SEM1: variants seen among roughly 807,000 people sequenced by gnomAD.
SEM1 encodes SEM1 26S proteasome subunit, also known as 26S proteasome complex subunit SEM1.
A neutral mutation model predicts 12.7 loss-of-function variants in SEM1; 3 were observed. The ratio of observed to expected loss-of-function variants is 0.24; its 90% confidence interval spans 0.11 to 0.61. The LOEUF (loss-of-function observed/expected upper bound fraction) is 0.61, where lower values mean the gene tolerates loss of function less well. Ranked by LOEUF, SEM1 falls within the 20% of genes least tolerant of loss-of-function variation. The pLI is 0.88. For synonymous variants in SEM1, 30 were observed against 27.8 expected (o/e 1.08, Z -0.25); for missense variants, 59 against 81.3 (o/e 0.73, Z 1.06).
chr7:96,553,238 C>T (rs1805354433), intron 2 of SEM1, among the ~76,000 whole-genome samples: 1 of 150,210 alleles, frequency 6.7e-6, no homozygotes, highest in Non-Finnish European at 1.5e-5. Context: ...GTTGCCATTG[C>T]TTTTGGTGTT....
intron 2 of SEM1, among the ~76,000 whole-genome samples, chr7:96,637,913 C>A (rs1438320908): frequency 2.0e-5 from 3 of 152,008 alleles, no homozygotes; most frequent in Non-Finnish European, 2.9e-5. Context: ...CCTTCCTCTT[C>A]TCTACCCACC....
chr7:96,551,938 T>C (rs1805291538), intron 2 of SEM1, among the ~76,000 whole-genome samples: 2 of 152,160 alleles, frequency 1.3e-5, no homozygotes, highest in African/African-American at 4.8e-5. Context: ...TGATAGACTA[T>C]ATTTCTGTTG....
At chr7:96,697,845 TG>T (rs1790145636) in intron 1 of SEM1, among the ~76,000 whole-genome samples, 1 of 152,164 alleles carries the variant, frequency 6.6e-6, no homozygotes, top group Non-Finnish European at 1.5e-5. Context: ...GTGTTCCTGC[TG>T]AGGGTGTATG....
intron 2 of SEM1, among the ~76,000 whole-genome samples, chr7:96,674,505 A>C (rs981584672): frequency 8.6e-5 from 13 of 151,856 alleles, no homozygotes; most frequent in Admixed American, 7.9e-4. Context: ...AAAACAAACA[A>C]ACAAAAAAAT....
exon 3 of SEM1, chr7:96,673,550 G>A: frequency 1.7e-6 from 1 of 574,034 alleles, no homozygotes; most frequent in East Asian, 2.8e-5. Flanking sequence ...CAATACTGCA[G>A]TATGCTAACC....
intron 2 of SEM1, among the ~76,000 whole-genome samples, chr7:96,653,479 A>G (rs1032841673): frequency 6.6e-6 from 1 of 152,194 alleles, no homozygotes; most frequent in African/African-American, 2.4e-5. Context: ...AGGTGATTTC[A>G]GCTAAGGGTG....
rs140541552 is a variant in SEM1 at position 96,643,156 on chromosome 7, T to C, written c.171-20513A>G. ...TGTGTTGTTCCCACATATGTGTCCA[T>C]GTGTTCTCATCATTTCACTCCAGGT... On this transcript the variant is annotated intron_variant, in intron 2 of 2. Transcript: ENST00000417009. 3.5e-3 allele frequency among the ~76,000 whole-genome samples: 525 copies of C among 152,168 alleles called. 4 individuals are homozygous for C. The highest frequency in any genetic ancestry group is 0.012 in the African/African-American group (505 of 41,536).
intron 2 of SEM1, among the ~76,000 whole-genome samples, chr7:96,694,437 T>C (rs998282376): frequency 2.6e-5 from 4 of 151,956 alleles, no homozygotes; most frequent in Non-Finnish European, 5.9e-5. Flanking sequence ...TCCATTCCAG[T>C]TTGAGAATCA....
At chr7:96,693,132 A>G (rs1485176744) in intron 2 of SEM1, among the ~76,000 whole-genome samples, 1 of 152,092 alleles carries the variant, frequency 6.6e-6, no homozygotes, top group Non-Finnish European at 1.5e-5. Flanking sequence ...GTGCTACTGC[A>G]TTACTATTAG....
chr7:96,629,815 T>C (rs1018077691), intron 2 of SEM1, among the ~76,000 whole-genome samples: 16 of 152,130 alleles, frequency 1.1e-4, no homozygotes, highest in African/African-American at 3.9e-4. Context: ...GACTTGGGAG[T>C]TGTGATCTAA....
intron 2 of SEM1, among the ~76,000 whole-genome samples, chr7:96,658,800 G>A (rs1252453311): frequency 6.6e-6 from 1 of 152,160 alleles, no homozygotes; most frequent in Admixed American, 6.6e-5. Context: ...TTCAGAGGTG[G>A]GGCAAATGGT....
downstream of SEM1, among the ~76,000 whole-genome samples, chr7:96,684,296 C>T (rs1272657489): frequency 6.6e-6 from 1 of 151,970 alleles, no homozygotes; most frequent in Non-Finnish European, 1.5e-5. Context: ...ATTCATTGCC[C>T]CAAATTTATT....
intron 2 of SEM1, among the ~76,000 whole-genome samples, chr7:96,693,790 G>GTGTGTGTGTGTGTGTGTGTGTGTA (rs1023821213): frequency 1.4e-5 from 2 of 145,444 alleles, no homozygotes; most frequent in African/African-American, 5.2e-5. Context: ...GTGTGTGTGT[G>GTGTGTGTGTGTGTGTGTGTGTGTA]TATATATATA....
At chr7:96,561,085 C>T (rs13244919) in intron 2 of SEM1, among the ~76,000 whole-genome samples, 83,176 of 152,046 alleles carry the variant, frequency 0.55, 25,739 homozygotes, top group Non-Finnish European at 0.69. Flanking sequence ...CCTGGCTCTG[C>T]TGGTTTATTT....
chr7:96,571,506 A>G (rs1806027835), intron 2 of SEM1, among the ~76,000 whole-genome samples: 1 of 151,590 alleles, frequency 6.6e-6, no homozygotes, highest in Non-Finnish European at 1.5e-5. Flanking sequence ...CAAAGATGAG[A>G]TGGTTGTAGA....
chr7:96,627,697 A>G (rs912532214), intron 2 of SEM1, among the ~76,000 whole-genome samples: 6 of 152,134 alleles, frequency 3.9e-5, no homozygotes, highest in African/African-American at 1.2e-4. Context: ...CATATGGCCT[A>G]TCCTTGAGAA....
chr7:96,598,853 T>A (rs1807091832), intron 2 of SEM1, among the ~76,000 whole-genome samples: 1 of 152,158 alleles, frequency 6.6e-6, no homozygotes, highest in African/African-American at 2.4e-5. Context: ...TTTTTTAAAC[T>A]TCCATCCTGA....
intron 2 of SEM1, among the ~76,000 whole-genome samples, chr7:96,513,432 G>A (rs11974704): frequency 0.033 from 5,029 of 152,204 alleles, 277 homozygotes; most frequent in African/African-American, 0.11. Context: ...CAACACTAGA[G>A]AAGTATAAAG....
At chr7:96,679,378 CTTT>C (rs1405225156) in intron 2 of SEM1, among the ~76,000 whole-genome samples, 6 of 152,096 alleles carry the variant, frequency 3.9e-5, no homozygotes, top group African/African-American at 1.4e-4. Flanking sequence ...AACCGGGAGT[CTTT>C]GTTTTTGAGT....
Sources: allele counts gnomAD v4.1 joint callset (sites outside exome capture counted in the v4.1 genomes callset), GRCh38; gene constraint gnomAD v4.1.1; transcripts MANE v1.5; gene names NCBI Gene and HGNC (gene_info 2026-07-23, HGNC 2026-07-21).